MIPOL1: variants seen among roughly 807,000 people sequenced by gnomAD.
MIPOL1 encodes mirror-image polydactyly 1, also known as mirror-image polydactyly gene 1 protein.
In MIPOL1, 57 loss-of-function variants were observed where a neutral mutation model predicts 60.9. That is an observed-to-expected ratio of 0.94 (90% CI 0.76 to 1.17). MIPOL1 has a LOEUF of 1.17. Ranked by LOEUF, MIPOL1 falls within the 50% of genes most tolerant of loss-of-function variation. The pLI, the probability that MIPOL1 is intolerant of heterozygous loss-of-function variation, is 0.00. For missense variants in MIPOL1, 551 were observed against 511.6 expected (o/e 1.08, Z -0.74); for synonymous variants, 179 against 168.8 (o/e 1.06, Z -0.47).
At position 37,418,822 on chromosome 14, in the gene MIPOL1, G is replaced by A. The variant is rs376140796; in HGVS notation, c.937-4033G>A. On this transcript the variant is annotated intron_variant, in intron 10 of 12. Coordinates refer to ENST00000684589, the MANE Select transcript of MIPOL1 (RefSeq NM_001388067.1). ...TAGTAGGTGGTCAAAAAGTGGCATT[G>A]ATTTGTAGTTAAGCTTGGATGTTTT... is the stretch of plus-strand genomic sequence containing the variant. 7.3e-4 allele frequency among the ~76,000 whole-genome samples: 111 copies of A among 152,106 alleles called. 3 individuals carry two copies. The South Asian group carries it at 0.022, about 29-fold the overall frequency.
intron 9 of MIPOL1, among the ~76,000 whole-genome samples, chr14:37,316,055 C>G (rs2087851757): frequency 6.8e-6 from 1 of 147,852 alleles, no homozygotes; most frequent in Non-Finnish European, 1.5e-5. Flanking sequence ...GAGACCGAAT[C>G]TTGCTCTGTT....
chr14:37,354,165 C>G (rs1039690086), intron 9 of MIPOL1, among the ~76,000 whole-genome samples: 16 of 151,764 alleles, frequency 1.1e-4, no homozygotes, highest in Admixed American at 1.3e-4. Context: ...TCGTTATCTA[C>G]CCAGTAGTCA....
intron 10 of MIPOL1, among the ~76,000 whole-genome samples, chr14:37,421,837 C>T (rs1056252783): frequency 3.3e-5 from 5 of 151,676 alleles, no homozygotes; most frequent in African/African-American, 1.2e-4. Flanking sequence ...CTTATGACTT[C>T]TTATACAATA....
intron 9 of MIPOL1, among the ~76,000 whole-genome samples, chr14:37,321,920 A>C (rs1386168341): frequency 6.6e-6 from 1 of 151,886 alleles, no homozygotes; most frequent in Admixed American, 6.6e-5. Context: ...CTTGACCCCA[A>C]CATCTTATTA....
intron 3 of MIPOL1, among the ~76,000 whole-genome samples, chr14:37,251,812 A>G (rs1183337150): frequency 6.6e-6 from 1 of 152,040 alleles, no homozygotes; most frequent in Non-Finnish European, 1.5e-5. Context: ...GCATACAACA[A>G]TTCTTTGCAA....
chr14:37,315,469 C>CA, intron 9 of MIPOL1, among the ~76,000 whole-genome samples: 1 of 152,194 alleles, frequency 6.6e-6, no homozygotes, highest in African/African-American at 2.4e-5. Context: ...ATAGTCTAAG[C>CA]AAAAGATGAA....
intron 7 of MIPOL1, among the ~76,000 whole-genome samples, chr14:37,299,895 C>T (rs2086218279): frequency 6.6e-6 from 1 of 151,998 alleles, no homozygotes; most frequent in South Asian, 2.1e-4. Context: ...GACATTTTCT[C>T]TAACTTTTCT....
At chr14:37,492,794 G>T (rs2095063859) in intron 11 of MIPOL1, among the ~76,000 whole-genome samples, 1 of 152,014 alleles carries the variant, frequency 6.6e-6, no homozygotes, top group Non-Finnish European at 1.5e-5. Flanking sequence ...ATTCTCTGTT[G>T]TAGGAATCTA....
At chr14:37,311,871 C>T (rs1595071764) in intron 9 of MIPOL1, among the ~76,000 whole-genome samples, 1 of 152,104 alleles carries the variant, frequency 6.6e-6, no homozygotes, top group Admixed American at 6.6e-5. Context: ...GTTCCATGAT[C>T]CAATCCAGGG....
At chr14:37,343,638 G>A (rs1186095663) in intron 9 of MIPOL1, among the ~76,000 whole-genome samples, 1 of 152,142 alleles carries the variant, frequency 6.6e-6, no homozygotes, top group Non-Finnish European at 1.5e-5. Context: ...TAAAAACTTA[G>A]ACGATGTTAT....
At chr14:37,326,263 T>C (rs1419702718) in intron 9 of MIPOL1, among the ~76,000 whole-genome samples, 1 of 152,192 alleles carries the variant, frequency 6.6e-6, no homozygotes, top group Non-Finnish European at 1.5e-5. Flanking sequence ...TGCTTCAGGA[T>C]GATGGGGGAC....
intron 9 of MIPOL1, among the ~76,000 whole-genome samples, chr14:37,363,156 G>A (rs2092341348): frequency 6.6e-6 from 1 of 152,110 alleles, no homozygotes; most frequent in Non-Finnish European, 1.5e-5. Context: ...TTCATTGCTG[G>A]TGAGGAGCTG....
chr14:37,443,807 A>G (rs563035819), intron 11 of MIPOL1, among the ~76,000 whole-genome samples: 1 of 152,142 alleles, frequency 6.6e-6, no homozygotes, highest in Admixed American at 6.6e-5. Flanking sequence ...CAGCATATAT[A>G]AAGGGTACTG....
chr14:37,267,930 A>G (rs2083004589), intron 4 of MIPOL1, among the ~76,000 whole-genome samples: 1 of 152,080 alleles, frequency 6.6e-6, no homozygotes, highest in African/African-American at 2.4e-5. Flanking sequence ...TGCATTCCTC[A>G]TTATTTTACT....
intron 12 of MIPOL1, chr14:37,503,066 T>C (rs1288349174): frequency 6.6e-6 from 1 of 151,998 alleles, no homozygotes; most frequent in East Asian, 1.9e-4. Flanking sequence ...GAAGGCAAGA[T>C]TAGAGAAAAG....
At chr14:37,418,475 A>G (rs1232093314) in intron 10 of MIPOL1, among the ~76,000 whole-genome samples, 1 of 152,178 alleles carries the variant, frequency 6.6e-6, no homozygotes, top group Admixed American at 6.5e-5. Context: ...ATAATAAAAT[A>G]CACTCTGATT....
chr14:37,360,911 AG>A (rs1244834279), intron 9 of MIPOL1, among the ~76,000 whole-genome samples: 1 of 152,118 alleles, frequency 6.6e-6, no homozygotes, highest in African/African-American at 2.4e-5. Flanking sequence ...TTGTGATGGT[AG>A]GATGTCAATT....
At chr14:37,232,070 A>C (rs1970718840) in intron 1 of MIPOL1, among the ~76,000 whole-genome samples, 1 of 152,196 alleles carries the variant, frequency 6.6e-6, no homozygotes, top group Admixed American at 6.5e-5. Context: ...TGACAGAGCC[A>C]AACACTGTCT....
Position 37,285,354 on chromosome 14 carries a change from G to A in MIPOL1, c.530G>A (p.Arg177His), listed in dbSNP as rs752163285. 14 of 1,613,970 alleles carry A rather than the reference G, an allele frequency of 8.7e-6. 1 individual carries two copies. The South Asian group carries it at 9.9e-5, about 11-fold the overall frequency. ...VEEVYFAQKE[R>H]DEAVMSRLQL... is the part of the protein sequence containing the mutation. ...GAAGTGTATTTTGCGCAGAAGGAAC[G>A]TGATGAAGCTGTTATGTCTAGACTG... The change falls in exon 7 of 13, where the codon CGT becomes CAT. Residue 177 changes from arginine (R) to histidine (H), a missense_variant. Coordinates refer to ENST00000684589, the MANE Select transcript of MIPOL1 (RefSeq NM_001388067.1).
Sources: gnomAD v4.1 joint callset for allele counts (sites outside exome capture counted in the v4.1 genomes callset) on GRCh38, gnomAD v4.1.1 for gene constraint, MANE v1.5 for transcripts, NCBI Gene and HGNC (gene_info 2026-07-23, HGNC 2026-07-21) for gene names.